Variants in PTPRG observed in about 807,000 individuals in gnomAD.
The protein encoded by PTPRG is protein tyrosine phosphatase receptor type G.
PTPRG carries 102 observed loss-of-function variants against 165.3 expected under a neutral mutation model. The observed-to-expected ratio is 0.62, with a 90% CI of 0.53 to 0.73. The LOEUF (loss-of-function observed/expected upper bound fraction) is 0.73. Among genes scored for constraint, PTPRG ranks in the 30% least tolerant of loss-of-function variants. The probability of loss-of-function intolerance (pLI) is 0.00; values close to 1 mark genes in which losing one functional copy is unlikely to be tolerated. For missense variants in PTPRG, 1,866 were observed against 1,861.4 expected (o/e 1.00, Z -0.05); for synonymous variants, 675 against 669.5 (o/e 1.01, Z -0.13).
intron 1 of PTPRG, among the ~76,000 whole-genome samples, chr3:61,684,821 C>A (rs770145131): frequency 6.6e-6 from 1 of 152,144 alleles, no homozygotes; most frequent in Non-Finnish European, 1.5e-5. Context: ...GGAAAGGCTT[C>A]CTGGAGTAGT....
At chr3:61,653,830 C>T (rs547696163) in intron 1 of PTPRG, among the ~76,000 whole-genome samples, 12 of 142,696 alleles carry the variant, frequency 8.4e-5, no homozygotes, top group Non-Finnish European at 1.7e-4. Flanking sequence ...TCCCAGTTAT[C>T]TAGTGAAATC....
intron 5 of PTPRG, among the ~76,000 whole-genome samples, chr3:62,094,469 G>C (rs867256865): frequency 1.3e-5 from 2 of 152,178 alleles, no homozygotes; most frequent in African/African-American, 4.8e-5. Flanking sequence ...TGCTATGGTC[G>C]TGAGAGCTTC....
chr3:62,157,611 G>C (rs1275541790), intron 7 of PTPRG, among the ~76,000 whole-genome samples: 1 of 152,096 alleles, frequency 6.6e-6, no homozygotes, highest in African/African-American at 2.4e-5. Context: ...GATGCTATTT[G>C]TACCCCCATT....
chr3:62,204,190 C>T (rs950868107), intron 12 of PTPRG, among the ~76,000 whole-genome samples: 11 of 151,984 alleles, frequency 7.2e-5, no homozygotes, highest in African/African-American at 1.5e-4. Context: ...TTTCTTGCCT[C>T]GGAATAACTC....
At chr3:61,983,761 C>A (rs984055420) in intron 2 of PTPRG, among the ~76,000 whole-genome samples, 4 of 152,116 alleles carry the variant, frequency 2.6e-5, no homozygotes, top group African/African-American at 9.7e-5. Flanking sequence ...GAGAACTATA[C>A]TGAAGTGAGA....
intron 1 of PTPRG, among the ~76,000 whole-genome samples, chr3:61,630,560 G>A (rs1471145508): frequency 6.6e-6 from 1 of 152,086 alleles, no homozygotes; most frequent in Non-Finnish European, 1.5e-5. Flanking sequence ...TCTTTGGAGA[G>A]CTCTTCAGGG....
At chr3:61,589,213 GT>G (rs527331400) in intron 1 of PTPRG, among the ~76,000 whole-genome samples, 97 of 152,226 alleles carry the variant, frequency 6.4e-4, no homozygotes, top group African/African-American at 2.2e-3. Context: ...AGCCGTATCT[GT>G]TTTTTTATGA....
chr3:61,614,537 G>C (rs1701255622), intron 1 of PTPRG, among the ~76,000 whole-genome samples: 1 of 145,754 alleles, frequency 6.9e-6, no homozygotes, highest in South Asian at 2.2e-4. Context: ...AGCTTCCCAA[G>C]TAGTTGGGAC....
Position 61,989,914 on chromosome 3 carries a change from G to A in PTPRG, c.370+110G>A, listed in dbSNP as rs559392181. On this transcript the variant is annotated intron_variant, in intron 3 of 29. Coordinates refer to ENST00000474889, the MANE Select transcript of PTPRG (RefSeq NM_002841.4). ...TCCTTAAATAGTGCACATTGCTGTG[G>A]GGAGCCTAAATCAGTCCTTAGTTTC... 2.5e-6 allele frequency: 3 copies of A among 1,221,248 alleles called. No individual in the cohort carries two copies. The South Asian group carries it at 4.6e-5, about 19-fold the overall frequency. 75.7% of individuals were successfully genotyped at this position (1,221,248 alleles called of 1,614,324 possible). A position where few individuals can be genotyped will look rare whatever the true frequency, so the allele number is the denominator to read the frequency against.
intron 2 of PTPRG, among the ~76,000 whole-genome samples, chr3:61,829,978 T>G (rs1258545340): frequency 1.3e-5 from 2 of 152,238 alleles, no homozygotes; most frequent in Non-Finnish European, 2.9e-5. Context: ...TCTTGTATCC[T>G]CCACATGGTG....
chr3:61,942,173 A>AT (rs988330704), intron 2 of PTPRG, among the ~76,000 whole-genome samples: 1 of 147,512 alleles, frequency 6.8e-6, no homozygotes, highest in Non-Finnish European at 1.5e-5. Flanking sequence ...AAAAAAAAAA[A>AT]GGAAGGAAGT....
intron 2 of PTPRG, among the ~76,000 whole-genome samples, chr3:61,782,808 TG>T (rs2034584346): frequency 6.6e-6 from 1 of 152,178 alleles, no homozygotes; most frequent in Admixed American, 6.5e-5. Flanking sequence ...TGTTTTGTTT[TG>T]TTTTTTAAAT....
At chr3:61,887,123 C>CATATATATATATATATATATATATAT (rs148352398) in intron 2 of PTPRG, among the ~76,000 whole-genome samples, 2 of 85,944 alleles carry the variant, frequency 2.3e-5, no homozygotes, top group Admixed American at 1.2e-4. Flanking sequence ...CCATAGCATG[C>CATATATATATATATATATATATATAT]ATATATATAT....
chr3:61,789,488 C>G (rs1559612840), intron 2 of PTPRG, among the ~76,000 whole-genome samples: 2 of 152,176 alleles, frequency 1.3e-5, no homozygotes, highest in Non-Finnish European at 2.9e-5. Context: ...TAGACCAACA[C>G]ACAGATGGGT....
intron 2 of PTPRG, among the ~76,000 whole-genome samples, chr3:61,762,051 C>T (rs1457541512): frequency 6.6e-6 from 1 of 152,104 alleles, no homozygotes; most frequent in Non-Finnish European, 1.5e-5. Flanking sequence ...TGGACTAGCA[C>T]CTGCAAAGAT....
At chr3:61,872,465 T>C (rs929180295) in intron 2 of PTPRG, among the ~76,000 whole-genome samples, 1 of 152,208 alleles carries the variant, frequency 6.6e-6, no homozygotes, top group Non-Finnish European at 1.5e-5. Flanking sequence ...GACAAGTTAC[T>C]TATTTTGTCT....
At chr3:61,672,797 G>C (rs1296338658) in intron 1 of PTPRG, among the ~76,000 whole-genome samples, 6 of 148,344 alleles carry the variant, frequency 4.0e-5, no homozygotes, top group African/African-American at 1.5e-4. Context: ...GAGAGGGAGA[G>C]AGGGGGAGAG....
intron 2 of PTPRG, among the ~76,000 whole-genome samples, chr3:61,758,514 C>T (rs1320265012): frequency 6.6e-6 from 1 of 152,058 alleles, no homozygotes; most frequent in Non-Finnish European, 1.5e-5. Context: ...TGAAGTGGCA[C>T]AATCTTAGTT....
intron 5 of PTPRG, among the ~76,000 whole-genome samples, chr3:62,128,544 C>T (rs888510892): frequency 2.0e-5 from 3 of 151,362 alleles, no homozygotes; most frequent in South Asian, 2.1e-4. Flanking sequence ...ACTTGTTGCC[C>T]GGTGTTATTG....
Sources: allele counts gnomAD v4.1 joint callset (sites outside exome capture counted in the v4.1 genomes callset), GRCh38; gene constraint gnomAD v4.1.1; transcripts MANE v1.5; gene names NCBI Gene and HGNC (gene_info 2026-07-23, HGNC 2026-07-21).